Variants in BBS9 observed in about 807,000 individuals in gnomAD.
The protein encoded by BBS9 is Bardet-Biedl syndrome 9.
BBS9 carries 89 observed loss-of-function variants against 117.7 expected under a neutral mutation model. The ratio of observed to expected loss-of-function variants is 0.76; its 90% CI spans 0.64 to 0.90. The LOEUF is 0.90. Among genes scored for constraint, BBS9 ranks in the 40% least tolerant of loss-of-function variants. BBS9 has a pLI of 0.00. For missense variants in BBS9, 982 were observed against 1,042.2 expected, an observed-to-expected ratio of 0.94 and a Z score of 0.80; for synonymous variants, 379 against 370.9, an observed-to-expected ratio of 1.02 and a Z score of -0.25.
chr7:33,266,255 G>A lies in BBS9; in HGVS notation c.702+1881G>A, dbSNP rs115377783. On this transcript the variant is annotated intron_variant, in intron 7 of 22. Transcript: ENST00000242067. ...GCAGTAAAACTTCATTTTGTTACAC[G>A]ATAGTCACTTTGCAGGAATGTGATA... Among the ~76,000 whole-genome samples, 490 of 152,268 alleles carry A rather than the reference G, an allele frequency of 3.2e-3. 3 individuals carry two copies. The highest frequency in any genetic ancestry group is 0.011 in the African/African-American group (461 of 41,550).
chr7:33,436,063 C>A (rs1373270151), intron 19 of BBS9, among the ~76,000 whole-genome samples: 1 of 152,108 alleles, frequency 6.6e-6, no homozygotes, highest in African/African-American at 2.4e-5. Context: ...TTGTAAAGTG[C>A]CGTGCAAGTG....
intron 1 of BBS9, among the ~76,000 whole-genome samples, chr7:33,131,230 C>T (rs916080945): frequency 6.6e-5 from 10 of 152,196 alleles, no homozygotes; most frequent in Non-Finnish European, 1.5e-4. Flanking sequence ...CCTACTAGCA[C>T]TGTTTCTACT....
chr7:33,493,117 C>T (rs1305898455), intron 19 of BBS9, among the ~76,000 whole-genome samples: 2 of 152,048 alleles, frequency 1.3e-5, no homozygotes, highest in Non-Finnish European at 2.9e-5. Flanking sequence ...CCCTTAGCCT[C>T]CTGAGTAGCT....
At chr7:33,632,924 T>A (rs1865962280) in intron 21 of BBS9, among the ~76,000 whole-genome samples, 1 of 152,164 alleles carries the variant, frequency 6.6e-6, no homozygotes, top group African/African-American at 2.4e-5. Context: ...CATTTTAGCC[T>A]TAAGGAAGAA....
At chr7:33,519,997 GAGGTCTGAAAT>G in intron 20 of BBS9, among the ~76,000 whole-genome samples, 1 of 151,772 alleles carries the variant, frequency 6.6e-6, no homozygotes, top group East Asian at 1.9e-4. Context: ...CAGCACATAA[GAGGTCTGAAAT>G]AGGTTTTTTT....
In BBS9 at chr7:33,605,639, G is replaced by T; in HGVS notation, c.*413G>T. On this transcript the variant is annotated 3_prime_UTR_variant, in exon 23 of 23. Coordinates refer to ENST00000242067, the MANE Select transcript of BBS9 (RefSeq NM_198428.3). Reference sequence around the variant, plus strand: ...GCATCTCATTGTCAAATAATATCTTGGATTTTATTTATAATTAGAGGGATT... The same window carrying T: ...GCATCTCATTGTCAAATAATATCTTTGATTTTATTTATAATTAGAGGGATT... 4.6e-6 allele frequency: 1 copy of T among 217,906 alleles called. No individual in the cohort carries two copies. Among genetic ancestry groups the T allele is most frequent in the South Asian group, 7.6e-5 (1 of 13,172 alleles). The allele number at this position is 217,906 out of a possible 1,614,324, so 13.5% of individuals were successfully genotyped here. A position where few individuals can be genotyped will look rare whatever the true frequency, so the allele number is the denominator to read the frequency against.
At chr7:33,568,301 G>C (rs1857234489) in intron 21 of BBS9, among the ~76,000 whole-genome samples, 1 of 151,946 alleles carries the variant, frequency 6.6e-6, no homozygotes, top group African/African-American at 2.4e-5. Flanking sequence ...GTTTCTAATT[G>C]ACTTAATTTC....
intron 21 of BBS9, among the ~76,000 whole-genome samples, chr7:33,630,309 C>T (rs968967282): frequency 2.6e-5 from 4 of 151,846 alleles, no homozygotes; most frequent in East Asian, 1.9e-4. Flanking sequence ...AAATGAGGTG[C>T]GAAAAGCATG....
At chr7:33,267,896 T>G (rs1799092821) in intron 7 of BBS9, among the ~76,000 whole-genome samples, 1 of 152,204 alleles carries the variant, frequency 6.6e-6, no homozygotes, top group Admixed American at 6.5e-5. Context: ...AGTGTGGGCC[T>G]GCTGGTGACG....
At chr7:33,265,395 G>T (rs141880742) in intron 7 of BBS9, among the ~76,000 whole-genome samples, 33 of 152,188 alleles carry the variant, frequency 2.2e-4, no homozygotes, top group Admixed American at 4.6e-4. Flanking sequence ...GTTTTGCACA[G>T]AATTTAGAAG....
intron 1 of BBS9, among the ~76,000 whole-genome samples, chr7:33,137,641 G>A (rs1486681216): frequency 1.3e-5 from 2 of 152,230 alleles, no homozygotes; most frequent in African/African-American, 4.8e-5. Flanking sequence ...TTGGGAGTGG[G>A]CAGTGCTCCT....
intron 21 of BBS9, among the ~76,000 whole-genome samples, chr7:33,570,415 T>TATAA (rs1243000167): frequency 6.6e-6 from 1 of 152,116 alleles, no homozygotes; most frequent in African/African-American, 2.4e-5. Flanking sequence ...CCCATACTGA[T>TATAA]ATAAATAAAT....
rs2128967403 is a variant in BBS9 at position 33,477,818 on chromosome 7, T to C, written c.2116-27645T>C. On this transcript the variant is annotated intron_variant, in intron 19 of 22. Transcript: ENST00000242067. ...GAAGGGGTTAACTAATTCATTAAAA[T>C]ATGTGTGCTGACCACTAGTTGTGTG... Among the ~76,000 whole-genome samples the C allele has an allele frequency of 1.3e-5, 2 of 152,300 alleles. 1 individual carries two copies. Among genetic ancestry groups the C allele is most frequent in the South Asian group, 4.1e-4 (2 of 4,828 alleles).
chr7:33,589,965 C>G (rs910915634), intron 21 of BBS9, among the ~76,000 whole-genome samples: 1 of 151,990 alleles, frequency 6.6e-6, no homozygotes, highest in Non-Finnish European at 1.5e-5. Flanking sequence ...AGAGAAGGAA[C>G]CAGCAAAGAA....
At chr7:33,398,813 A>G (rs1331177374) in intron 19 of BBS9, among the ~76,000 whole-genome samples, 1 of 152,128 alleles carries the variant, frequency 6.6e-6, no homozygotes, top group Non-Finnish European at 1.5e-5. Context: ...ATCTTGGTTC[A>G]CTGCTGGGAC....
At chr7:33,267,832 T>C (rs1036159120) in intron 7 of BBS9, among the ~76,000 whole-genome samples, 3 of 152,232 alleles carry the variant, frequency 2.0e-5, no homozygotes, top group African/African-American at 7.2e-5. Flanking sequence ...ATTCCATCTT[T>C]CCATCTGGTT....
At position 33,210,975 on chromosome 7, in the gene BBS9, A is replaced by G. The variant is rs12668438; in HGVS notation, c.442+33384A>G. On this transcript the variant is annotated intron_variant, in intron 5 of 22. Transcript: ENST00000242067. Reference sequence around the variant, plus strand: ...TGTCTTGAATTATCTTTTGTTTTATATAAGTGTAGCTACTCTGGCTCTTCT... The same window carrying G: ...TGTCTTGAATTATCTTTTGTTTTATGTAAGTGTAGCTACTCTGGCTCTTCT... Among the ~76,000 whole-genome samples the G allele has an allele frequency of 3.9e-5, 6 of 152,262 alleles. No individual in the cohort carries two copies. In the East Asian group the frequency reaches 9.7e-4, roughly 24 times the overall value.
intron 21 of BBS9, among the ~76,000 whole-genome samples, chr7:33,554,926 A>C (rs994064568): frequency 4.6e-5 from 7 of 152,142 alleles, no homozygotes; most frequent in Admixed American, 1.3e-4. Context: ...AACTCTGAGA[A>C]AGCAGCCACA....
At chr7:33,279,785 A>C (rs578258160) in intron 9 of BBS9, among the ~76,000 whole-genome samples, 1 of 152,194 alleles carries the variant, frequency 6.6e-6, no homozygotes, top group Non-Finnish European at 1.5e-5. Flanking sequence ...AGGTCAGACT[A>C]TGGGAAAATG....
Sources: gnomAD v4.1 joint callset for allele counts (sites outside exome capture counted in the v4.1 genomes callset) on GRCh38, gnomAD v4.1.1 for gene constraint, MANE v1.5 for transcripts, NCBI Gene and HGNC (gene_info 2026-07-23, HGNC 2026-07-21) for gene names.